SORBS2: variants seen among roughly 807,000 people sequenced by gnomAD.
SORBS2 encodes the protein sorbin and SH3 domain containing 2.
A neutral mutation model predicts 97.7 loss-of-function variants in SORBS2; 46 were observed. The observed-to-expected ratio is 0.47, with a 90% CI of 0.37 to 0.60. The LOEUF is 0.60. SORBS2 is among the 20% of genes least tolerant of loss of function. The pLI is 0.00. For missense variants in SORBS2, 1,316 were observed against 1,282.3 expected (o/e 1.03, Z -0.40); for synonymous variants, 476 against 473.4 (o/e 1.01, Z -0.07).
At chr4:185,833,980 C>T (rs937458468) in intron 1 of SORBS2, among the ~76,000 whole-genome samples, 1 of 152,122 alleles carries the variant, frequency 6.6e-6, no homozygotes, top group Non-Finnish European at 1.5e-5. Context: ...TAGAATTAAC[C>T]AATGGGCAGT....
intron 1 of SORBS2, among the ~76,000 whole-genome samples, chr4:185,950,876 A>G (rs1294861520): frequency 6.6e-6 from 1 of 152,148 alleles, no homozygotes; most frequent in African/African-American, 2.4e-5. Flanking sequence ...ATAGGAAGGG[A>G]ATAGGGTTCC....
At chr4:185,791,313 G>T (rs2099079017) in intron 1 of SORBS2, among the ~76,000 whole-genome samples, 2 of 152,226 alleles carry the variant, frequency 1.3e-5, no homozygotes, top group Middle Eastern at 3.4e-3. Context: ...ATCTTGTTTT[G>T]TTTGTACAGA....
chr4:185,870,704 G>A (rs1303238298), intron 1 of SORBS2, among the ~76,000 whole-genome samples: 1 of 152,230 alleles, frequency 6.6e-6, no homozygotes, highest in African/African-American at 2.4e-5. Flanking sequence ...TGAATCCTGG[G>A]ACTGGGCCTT....
chr4:185,872,469 G>A (rs577329838), intron 1 of SORBS2, among the ~76,000 whole-genome samples: 24 of 152,266 alleles, frequency 1.6e-4, no homozygotes, highest in Admixed American at 4.6e-4. Flanking sequence ...ACATCTGTGC[G>A]CGTGGAATGC....
rs547394476 is a variant in SORBS2 at position 185,724,791 on chromosome 4, T to G, written c.-197-45969A>C. The stretch of plus-strand genomic sequence containing the variant: ...TCTGGATGTAGAATTTCCCTGACCT[T>G]TTTATTTACAAAATTCTACCCATCT... On this transcript the variant is annotated intron_variant, in intron 2 of 20. Transcript: ENST00000284776. 5.3e-4 allele frequency among the ~76,000 whole-genome samples: 81 copies of G among 152,328 alleles called. 2 individuals are homozygous for G. In the South Asian group the frequency reaches 0.016, roughly 29 times the overall value.
chr4:185,936,262 G>A (rs998374483), intron 1 of SORBS2, among the ~76,000 whole-genome samples: 2 of 152,216 alleles, frequency 1.3e-5, no homozygotes, highest in African/African-American at 2.4e-5. Flanking sequence ...AAAGCACCAA[G>A]GCACATGGTT....
chr4:185,713,971 C>A (rs996820201), intron 2 of SORBS2, among the ~76,000 whole-genome samples: 1 of 152,210 alleles, frequency 6.6e-6, no homozygotes, highest in African/African-American at 2.4e-5. Context: ...AATATGGAAT[C>A]ACCACCACTA....
intron 1 of SORBS2, among the ~76,000 whole-genome samples, chr4:185,862,068 G>A (rs2099224118): frequency 6.6e-6 from 1 of 152,218 alleles, no homozygotes; most frequent in Non-Finnish European, 1.5e-5. Context: ...TACCGGAGTA[G>A]AGAGTATGCA....
chr4:185,604,539 C>A (rs533707958), intron 12 of SORBS2, among the ~76,000 whole-genome samples: 1 of 152,102 alleles, frequency 6.6e-6, no homozygotes, highest in Non-Finnish European at 1.5e-5. Flanking sequence ...GCTTAAATAT[C>A]GAGGAAAGAC....
At chr4:185,843,506 G>T (rs2099212839) in intron 1 of SORBS2, among the ~76,000 whole-genome samples, 1 of 152,098 alleles carries the variant, frequency 6.6e-6, no homozygotes, top group South Asian at 2.1e-4. Context: ...AAGATTGCAG[G>T]ATATAAGTAA....
At chr4:185,870,671 C>T (rs75857025) in intron 1 of SORBS2, among the ~76,000 whole-genome samples, 2,462 of 152,268 alleles carry the variant, frequency 0.016, 38 homozygotes, top group Non-Finnish European at 0.025. Flanking sequence ...GCAGTGAGTG[C>T]GCAGGTCGTG....
chr4:185,768,711 A>C lies in SORBS2; in HGVS notation c.-198+6516T>G, dbSNP rs112448372. On this transcript the variant is annotated intron_variant, in intron 2 of 20. Coordinates refer to the SORBS2 transcript ENST00000284776. ...GAGACTCTGTCTCAAAAAAAAAAAA[A>C]CAAAAAAACAAAAAAAAATGCAAAT... Among the ~76,000 whole-genome samples the C allele has an allele frequency of 1.1e-4, 11 of 96,076 alleles. 1 individual carries two copies. The highest frequency in any genetic ancestry group is 3.5e-4 in the African/African-American group (8 of 22,762). 63.0% of individuals were successfully genotyped at this position (96,076 alleles called of 152,430 possible). A position where few individuals can be genotyped will look rare whatever the true frequency, so the allele number is the denominator to read the frequency against.
chr4:185,615,173 G>T lies in SORBS2; in HGVS notation c.2352-14C>A. The T allele has an allele frequency of 6.9e-7, 1 of 1,447,580 alleles. No individual in the cohort carries two copies. The highest frequency in any genetic ancestry group is 9.7e-7 in the Non-Finnish European group (1 of 1,028,162). 89.7% of individuals were successfully genotyped at this position (1,447,580 alleles called of 1,614,324 possible). ...AATGACAACTCCCTGGAAGAGACAC[G>T]TTGACATGGTCTTTTTGTGATGTAC... On this transcript the variant is annotated splice_polypyrimidine_tract_variant and intron_variant, in intron 9 of 14. Transcript: ENST00000418609.
chr4:185,763,817 A>C (rs1196342643), intron 2 of SORBS2, among the ~76,000 whole-genome samples: 2 of 152,178 alleles, frequency 1.3e-5, no homozygotes, highest in Non-Finnish European at 2.9e-5. Context: ...AATATTATCC[A>C]TTTTGTCAAA....
chr4:185,792,441 C>G, intron 1 of SORBS2, among the ~76,000 whole-genome samples: 1 of 151,836 alleles, frequency 6.6e-6, no homozygotes, highest in East Asian at 1.9e-4. Flanking sequence ...CTGCAGTTAG[C>G]TGAGATCATG....
At chr4:185,676,960 A>G (rs1048531848) in intron 4 of SORBS2, 10 of 1,521,210 alleles carry the variant, frequency 6.6e-6, no homozygotes, top group African/African-American at 1.4e-5. Context: ...TACGATACGC[A>G]TGTATTAATA....
At chr4:185,603,787 A>T (rs975906473) in intron 12 of SORBS2, among the ~76,000 whole-genome samples, 1 of 152,252 alleles carries the variant, frequency 6.6e-6, no homozygotes, top group Non-Finnish European at 1.5e-5. Flanking sequence ...ATAATTTTTT[A>T]AAAATAGTAT....
rs115032369 is a variant in SORBS2, at chr4:185,845,398, T to C, written c.-337-70032A>G. Among the ~76,000 whole-genome samples, 468 of 152,290 alleles carry C rather than the reference T, an allele frequency of 3.1e-3. 5 individuals carry two copies. The highest frequency in any genetic ancestry group is 0.01 in the African/African-American group (432 of 41,564). ...TAGTGAATATCACTGAATTACATAC[T>C]TTAAAGTGGTTAAAATGGTAATTTT... On this transcript the variant is annotated intron_variant, in intron 1 of 20. Coordinates refer to the SORBS2 transcript ENST00000284776.
rs1048347773 is a variant in SORBS2, at chr4:185,647,644, T to C, written c.282-862A>G. Among the ~76,000 whole-genome samples the C allele has an allele frequency of 4.6e-5, 7 of 152,290 alleles. No homozygotes were observed. The Middle Eastern group carries it at 0.01, about 222-fold the overall frequency. ...TTCTTGCTCCATGGCCCGTTGGAAA[T>C]AGAAATACTCTAAGAGACAGAATTA... is the stretch of plus-strand genomic sequence containing the variant. On this transcript the variant is annotated intron_variant, in intron 3 of 14. Transcript: ENST00000418609.
Sources: gnomAD v4.1 joint callset for allele counts (sites outside exome capture counted in the v4.1 genomes callset) on GRCh38, gnomAD v4.1.1 for gene constraint, MANE v1.5 for transcripts, NCBI Gene and HGNC (gene_info 2026-07-23, HGNC 2026-07-21) for gene names.